Variants in NPAS3 observed in about 807,000 individuals in gnomAD.
NPAS3 encodes neuronal PAS domain protein 3.
A neutral mutation model predicts 73.1 loss-of-function variants in NPAS3; 14 were observed. That is an observed-to-expected ratio of 0.19 (90% confidence interval 0.13 to 0.30). The LOEUF is 0.30. Among genes scored for constraint, NPAS3 ranks in the 10% least tolerant of loss-of-function variants. The pLI is 1.00. For synonymous variants in NPAS3, 620 were observed against 541.5 expected (o/e 1.14, Z -2.01); for missense variants, 1,096 against 1,250.0 (o/e 0.88, Z 1.86).
chr14:33,551,749 C>T (rs970105410), intron 4 of NPAS3, among the ~76,000 whole-genome samples: 7 of 152,166 alleles, frequency 4.6e-5, no homozygotes, highest in Non-Finnish European at 7.3e-5. Flanking sequence ...ATTTATTACC[C>T]GTGGGGTCCC....
intron 2 of NPAS3, among the ~76,000 whole-genome samples, chr14:33,122,336 A>G (rs539790407): frequency 6.6e-6 from 1 of 152,286 alleles, no homozygotes; most frequent in African/African-American, 2.4e-5. Flanking sequence ...CTATATAACC[A>G]TCACCTTTCT....
At chr14:33,722,274 T>C (rs1595501513) in intron 6 of NPAS3, among the ~76,000 whole-genome samples, 1 of 152,282 alleles carries the variant, frequency 6.6e-6, no homozygotes, top group East Asian at 1.9e-4. Context: ...CAAATTTGTT[T>C]TGCCCATGGT....
chr14:33,743,778 C>G (rs2061712732), intron 7 of NPAS3, among the ~76,000 whole-genome samples: 1 of 152,210 alleles, frequency 6.6e-6, no homozygotes, highest in Non-Finnish European at 1.5e-5. Context: ...TTAGCTAGAT[C>G]TTCTGAAGAA....
At chr14:33,004,289 A>G (rs2038911408) in intron 1 of NPAS3, among the ~76,000 whole-genome samples, 1 of 152,362 alleles carries the variant, frequency 6.6e-6, no homozygotes, top group South Asian at 2.1e-4. Context: ...CCTAGATGAT[A>G]TAGCCTGCTA....
intron 2 of NPAS3, among the ~76,000 whole-genome samples, chr14:33,153,827 A>G (rs2044547985): frequency 2.0e-5 from 3 of 152,244 alleles, no homozygotes; most frequent in Middle Eastern, 3.4e-3. Flanking sequence ...TCAGCATTGC[A>G]TACTGTTGGC....
rs1416958844 is a variant in NPAS3, at chr14:33,176,813, T to G, written c.141-38369T>G. Among the ~76,000 whole-genome samples the G allele has an allele frequency of 2.0e-5, 3 of 152,100 alleles. No individual in the cohort carries two copies. In the East Asian group the frequency reaches 5.8e-4, roughly 29 times the overall value. On this transcript the variant is annotated intron_variant, in intron 2 of 11. Coordinates refer to ENST00000356141, the Ensembl canonical transcript of NPAS3. ...CCACAAAATTATTTTTCATAGGAGTTGTATTATTTTATATTTCTACCAGCA... is the reference window on the plus strand; with the variant it reads ...CCACAAAATTATTTTTCATAGGAGTGGTATTATTTTATATTTCTACCAGCA...
chr14:33,394,895 T>C (rs2047156162), intron 4 of NPAS3, among the ~76,000 whole-genome samples: 1 of 152,168 alleles, frequency 6.6e-6, no homozygotes, highest in Admixed American at 6.6e-5. Context: ...GTATTTAAAA[T>C]ATGCACTCAG....
At chr14:32,959,310 C>G (rs1227622388) in intron 1 of NPAS3, among the ~76,000 whole-genome samples, 1 of 152,192 alleles carries the variant, frequency 6.6e-6, no homozygotes, top group African/African-American at 2.4e-5. Context: ...CTGGTTGTTA[C>G]TAGGGGCTGC....
At chr14:32,956,320 C>G (rs577353362) in intron 1 of NPAS3, among the ~76,000 whole-genome samples, 1 of 152,218 alleles carries the variant, frequency 6.6e-6, no homozygotes, top group East Asian at 1.9e-4. Context: ...GGGATTTCTC[C>G]TCTGTTGGCA....
At chr14:33,682,752 C>T (rs2059974585) in intron 6 of NPAS3, among the ~76,000 whole-genome samples, 1 of 152,246 alleles carries the variant, frequency 6.6e-6, no homozygotes, top group Non-Finnish European at 1.5e-5. Context: ...TGTGTGTTCA[C>T]ACTTTGGTGT....
chr14:33,003,508 A>G (rs1420775680), intron 1 of NPAS3, among the ~76,000 whole-genome samples: 3 of 152,234 alleles, frequency 2.0e-5, no homozygotes. Context: ...GCACAATCAA[A>G]TAGAGACAGT....
In NPAS3 at chr14:33,490,912, G is replaced by C. The variant is rs190622890; in HGVS notation, c.469-69209G>C. 2.0e-5 allele frequency among the ~76,000 whole-genome samples: 3 copies of C among 152,278 alleles called. No individual in the cohort carries two copies. The East Asian group carries it at 5.8e-4, about 29-fold the overall frequency. On this transcript the variant is annotated intron_variant, in intron 4 of 11. Coordinates refer to ENST00000356141, the Ensembl canonical transcript of NPAS3. Reference sequence around the variant, plus strand: ...CATTTATTCTGAGAGACCAGTTAGAGCTGACCCAAAGGGCTGAACCCCTAG... The same window carrying C: ...CATTTATTCTGAGAGACCAGTTAGACCTGACCCAAAGGGCTGAACCCCTAG...
At chr14:33,078,450 CA>C (rs1595392094) in intron 2 of NPAS3, among the ~76,000 whole-genome samples, 1 of 151,588 alleles carries the variant, frequency 6.6e-6, no homozygotes, top group Non-Finnish European at 1.5e-5. Context: ...GTGCCTACAT[CA>C]CCATCTATGG....
intron 2 of NPAS3, among the ~76,000 whole-genome samples, chr14:33,161,039 C>T (rs1206301719): frequency 1.3e-5 from 2 of 152,056 alleles, no homozygotes; most frequent in African/African-American, 4.8e-5. Flanking sequence ...TGAAAGATAA[C>T]AGATACTTTA....
At chr14:33,385,696 A>G (rs1356141258) in intron 4 of NPAS3, among the ~76,000 whole-genome samples, 1 of 152,194 alleles carries the variant, frequency 6.6e-6, no homozygotes, top group Non-Finnish European at 1.5e-5. Context: ...ATTCAGCTGT[A>G]GGGCCAGGAA....
rs567419794 is a variant in NPAS3, at chr14:33,063,441, AC to A, written c.140+7452del. Among the ~76,000 whole-genome samples the A allele has an allele frequency of 2.4e-4, 37 of 152,138 alleles. 2 individuals carry two copies. The South Asian group carries it at 7.5e-3, about 31-fold the overall frequency. On this transcript the variant is annotated intron_variant, in intron 2 of 11. Transcript: ENST00000356141. ...AAATTATGATCCACTAGCCACATCT[AC>A]CCCCAACCCCCCAGTTTTTGTAAAG...
At chr14:33,783,241 A>C (rs1415105084) in intron 9 of NPAS3, among the ~76,000 whole-genome samples, 2 of 152,190 alleles carry the variant, frequency 1.3e-5, no homozygotes, top group Non-Finnish European at 2.9e-5. Context: ...GGAAAGAGAA[A>C]AGGTGGAAAG....
At chr14:33,345,373 A>G (rs1337650653) in intron 3 of NPAS3, among the ~76,000 whole-genome samples, 1 of 152,246 alleles carries the variant, frequency 6.6e-6, no homozygotes, top group Non-Finnish European at 1.5e-5. Context: ...TGATTTAAAA[A>G]TAAATGTAGA....
rs923201247 is a variant in NPAS3, at chr14:33,582,571, T to C, written c.558+22361T>C. Among the ~76,000 whole-genome samples the C allele has an allele frequency of 2.0e-5, 3 of 152,324 alleles. 1 individual carries two copies. The South Asian group carries it at 6.2e-4, about 32-fold the overall frequency. On this transcript the variant is annotated intron_variant, in intron 5 of 11. Transcript: ENST00000356141. ...AATCCTGGAAATAACAGAGCAACAG[T>C]ATGCACTATTTAATAGGTTGTTTTA...
Sources: gnomAD v4.1 joint callset for allele counts (sites outside exome capture counted in the v4.1 genomes callset) on GRCh38, gnomAD v4.1.1 for gene constraint, MANE v1.5 for transcripts, NCBI Gene and HGNC (gene_info 2026-07-23, HGNC 2026-07-21) for gene names.